The following PDE1C variants were observed in gnomAD, a reference collection of about 807,000 sequenced individuals.
PDE1C encodes phosphodiesterase 1C, also known as dual specificity calcium/calmodulin-dependent 3',5'-cyclic nucleotide phosphodiesterase 1C.
Under a neutral mutation model 93.1 loss-of-function variants are expected in PDE1C, and 62 were observed. The observed-to-expected ratio is 0.67, with a 90% CI of 0.54 to 0.82. The LOEUF (loss-of-function observed/expected upper bound fraction) is 0.82, where lower values mean the gene tolerates loss of function less well. PDE1C is among the 40% of genes least tolerant of loss of function. The pLI is 0.00. For synonymous variants in PDE1C, 325 were observed against 310.1 expected (o/e 1.05, Z -0.50); for missense variants, 742 against 884.6 (o/e 0.84, Z 2.04).
chr7:31,639,717 T>C, the PDE1C span, among the ~76,000 whole-genome samples: 2 of 152,130 alleles, frequency 1.3e-5, no homozygotes, highest in East Asian at 3.9e-4. Context: ...TTAGTATTTT[T>C]AGTAGAGACG....
chr7:31,655,920 T>C, the PDE1C span: 1 of 985,452 alleles, frequency 1.0e-6, no homozygotes, highest in Non-Finnish European at 1.2e-6. Context: ...AGCCATCTGC[T>C]TTACCAGTCT....
intron 16 of PDE1C, among the ~76,000 whole-genome samples, chr7:31,783,184 A>G (rs574568837): frequency 9.9e-5 from 15 of 152,218 alleles, no homozygotes; most frequent in Non-Finnish European, 1.6e-4. Flanking sequence ...CTGTAAAACC[A>G]TATCATTGTA....
At chr7:31,853,875 G>C (rs1162060775) in intron 7 of PDE1C, among the ~76,000 whole-genome samples, 1 of 94,664 alleles carries the variant, frequency 1.1e-5, no homozygotes, top group African/African-American at 3.9e-5. Flanking sequence ...GCCATGCCCA[G>C]CTATTTTTTT....
chr7:32,354,634 C>T (rs1332661760), intron 1 of PDE1C, among the ~76,000 whole-genome samples: 2 of 152,164 alleles, frequency 1.3e-5, no homozygotes, highest in African/African-American at 4.8e-5. Flanking sequence ...AGGGGAAGAG[C>T]CCAAGCTCAT....
intron 3 of PDE1C, among the ~76,000 whole-genome samples, chr7:32,157,222 C>G (rs1175860063): frequency 2.0e-5 from 3 of 152,190 alleles, no homozygotes; most frequent in East Asian, 3.8e-4. Flanking sequence ...CTTCAACCCC[C>G]CTCCCTATTT....
the PDE1C span, among the ~76,000 whole-genome samples, chr7:31,659,927 C>A: frequency 3.3e-5 from 5 of 152,184 alleles, no homozygotes; most frequent in African/African-American, 1.2e-4. Context: ...ATAATCCCCA[C>A]ATGTCACGGA....
chr7:31,825,775 G>A (rs1242629697), intron 12 of PDE1C, among the ~76,000 whole-genome samples: 2 of 152,120 alleles, frequency 1.3e-5, no homozygotes, highest in East Asian at 1.9e-4. Flanking sequence ...GCAGGAGGTG[G>A]TACTGCCTCT....
intron 1 of PDE1C, among the ~76,000 whole-genome samples, chr7:32,305,383 C>T (rs1812973843): frequency 6.6e-6 from 1 of 152,184 alleles, no homozygotes; most frequent in Non-Finnish European, 1.5e-5. Flanking sequence ...GGAAACTTAC[C>T]TTCTCATTCC....
intron 1 of PDE1C, among the ~76,000 whole-genome samples, chr7:32,376,592 G>A (rs1160016266): frequency 1.3e-5 from 2 of 152,130 alleles, no homozygotes; most frequent in Non-Finnish European, 2.9e-5. Context: ...TCTTTTCCAT[G>A]GGGCATCCTC....
At chr7:31,954,145 A>G (rs1393003076) in intron 2 of PDE1C, among the ~76,000 whole-genome samples, 1 of 152,194 alleles carries the variant, frequency 6.6e-6, no homozygotes, top group Non-Finnish European at 1.5e-5. Flanking sequence ...GTTGCTGGGA[A>G]TTGGCTGCCC....
At chr7:31,908,500 A>G (rs1800863840) in intron 2 of PDE1C, among the ~76,000 whole-genome samples, 1 of 152,176 alleles carries the variant, frequency 6.6e-6, no homozygotes, top group Non-Finnish European at 1.5e-5. Context: ...GGTCAGTTTG[A>G]ATGCCTTTAT....
intron 2 of PDE1C, among the ~76,000 whole-genome samples, chr7:31,903,279 C>A (rs549110338): frequency 1.6e-4 from 25 of 151,948 alleles, no homozygotes; most frequent in Non-Finnish European, 2.2e-4. Flanking sequence ...TAAACCAAAT[C>A]TTGTCATATA....
chr7:31,731,696 C>T, the PDE1C span, among the ~76,000 whole-genome samples: 41 of 152,274 alleles, frequency 2.7e-4, no homozygotes, highest in African/African-American at 9.1e-4. Flanking sequence ...CCAGAATTGG[C>T]AGTTTTCAAT....
chr7:32,058,314 G>A lies in PDE1C; in HGVS notation c.102-6734C>T, dbSNP rs569652211. Among the ~76,000 whole-genome samples the A allele has an allele frequency of 3.9e-4, 59 of 152,250 alleles. No homozygotes were observed. In the East Asian group the frequency reaches 0.011, roughly 29 times the overall value. ...GGTTCTCAGCCCTCAGTTCTCTCAA[G>A]GGATAGGACATTGAAAGACAGGCTC... On this transcript the variant is annotated intron_variant, in intron 1 of 17. Coordinates refer to ENST00000396191, the MANE Select transcript of PDE1C (RefSeq NM_001191057.4).
At chr7:31,670,798 A>C in the PDE1C span, among the ~76,000 whole-genome samples, 1 of 152,080 alleles carries the variant, frequency 6.6e-6, no homozygotes, top group Non-Finnish European at 1.5e-5. Context: ...CCTTTTCCAA[A>C]ACCACCCATG....
Position 32,021,508 on chromosome 7 carries a change from C to T in PDE1C, c.128+30046G>A, listed in dbSNP as rs116448779. ...TTTATCATTTATCAAACTCCTCAGTCATAGAACAATTTACAAAATTAGATA... is the reference window on the plus strand; with the variant it reads ...TTTATCATTTATCAAACTCCTCAGTTATAGAACAATTTACAAAATTAGATA... On this transcript the variant is annotated intron_variant, in intron 2 of 17. Transcript: ENST00000396191. Among the ~76,000 whole-genome samples, 719 of 152,176 alleles carry T rather than the reference C, an allele frequency of 4.7e-3. 7 individuals carry two copies. The highest frequency in any genetic ancestry group is 0.016 in the African/African-American group (672 of 41,522).
chr7:31,965,995 T>C (rs1809887980), intron 2 of PDE1C, among the ~76,000 whole-genome samples: 1 of 152,196 alleles, frequency 6.6e-6, no homozygotes. Context: ...TACCAGCCAC[T>C]GCAAAAACAT....
the PDE1C span, among the ~76,000 whole-genome samples, chr7:31,731,153 T>C: frequency 6.6e-6 from 1 of 151,640 alleles, no homozygotes; most frequent in African/African-American, 2.4e-5. Flanking sequence ...CAGAAGCTCA[T>C]AGAAGCTGGA....
chr7:32,297,955 ATCTCTCTCTCTCTC>A (rs768784407), intron 1 of PDE1C, among the ~76,000 whole-genome samples: 311 of 28,946 alleles, frequency 0.011, 1 homozygote, highest in South Asian at 0.021. Context: ...CTATTGTTCA[ATCTCTCTCTCTCTC>A]TCTCTCTCTC....
Sources: allele counts gnomAD v4.1 joint callset (sites outside exome capture counted in the v4.1 genomes callset), GRCh38; gene constraint gnomAD v4.1.1; transcripts MANE v1.5; gene names NCBI Gene and HGNC (gene_info 2026-07-23, HGNC 2026-07-21).